The following TBC1D19 variants were observed in gnomAD, a reference collection of about 807,000 sequenced individuals.
TBC1D19 encodes TBC1 domain family, member 19.
TBC1D19 carries 60 observed loss-of-function variants against 89.0 expected under a neutral mutation model. The ratio of observed to expected loss-of-function variants is 0.67; its 90% confidence interval spans 0.55 to 0.84. TBC1D19 has a LOEUF of 0.84. TBC1D19 is among the 40% of genes least tolerant of loss of function. The pLI is 0.00. For missense variants in TBC1D19, 500 were observed against 610.8 expected (o/e 0.82, Z 1.91); for synonymous variants, 189 against 199.7 (o/e 0.95, Z 0.45).
At chr4:26,722,554 C>T (rs1717047604) in intron 15 of TBC1D19, among the ~76,000 whole-genome samples, 1 of 152,056 alleles carries the variant, frequency 6.6e-6, no homozygotes, top group Non-Finnish European at 1.5e-5. Context: ...GCGTATTAGA[C>T]CACTCCAGCA....
chr4:26,663,831 G>A (rs1310222299), intron 8 of TBC1D19, among the ~76,000 whole-genome samples: 2 of 152,174 alleles, frequency 1.3e-5, no homozygotes, highest in African/African-American at 4.8e-5. Context: ...GAGGCTCAGT[G>A]AGTCCTGTGA....
At chr4:26,694,758 C>A (rs1008677490) in intron 13 of TBC1D19, among the ~76,000 whole-genome samples, 1 of 152,200 alleles carries the variant, frequency 6.6e-6, no homozygotes, top group Non-Finnish European at 1.5e-5. Flanking sequence ...TCTGCAGCCT[C>A]CGCTGCTGAT....
intron 4 of TBC1D19, among the ~76,000 whole-genome samples, chr4:26,634,030 A>G (rs1301112206): frequency 6.6e-6 from 1 of 151,946 alleles, no homozygotes; most frequent in Non-Finnish European, 1.5e-5. Flanking sequence ...CTGTACCCAC[A>G]TAAAAGCTGT....
chr4:26,783,802 T>A, the TBC1D19 span, among the ~76,000 whole-genome samples: 2 of 152,190 alleles, frequency 1.3e-5, no homozygotes, highest in Admixed American at 1.3e-4. Context: ...GAGAAACATG[T>A]GCTGCTCATA....
the TBC1D19 span, among the ~76,000 whole-genome samples, chr4:26,825,869 G>A: frequency 6.6e-6 from 1 of 152,162 alleles, no homozygotes; most frequent in African/African-American, 2.4e-5. Flanking sequence ...TCCAAGTTAA[G>A]CCTGCAATAA....
Position 26,590,794 on chromosome 4 carries a change from C to CCGTTTTTT in TBC1D19, c.99+6502_99+6503insCGTTTTTT, listed in dbSNP as rs1560400025. 9.4e-5 allele frequency among the ~76,000 whole-genome samples: 3 copies of CCGTTTTTT among 31,764 alleles called. No individual in the cohort carries two copies. The East Asian group carries it at 4.0e-3, about 43-fold the overall frequency. The allele number at this position is 31,764 out of a possible 152,430, so 20.8% of individuals were successfully genotyped here. On this transcript the variant is annotated intron_variant, in intron 1 of 20. Coordinates refer to ENST00000264866, the MANE Select transcript of TBC1D19 (RefSeq NM_018317.4). ...AAGGTTCACTCTTTGTCTTGCAGGT[C>CCGTTTTTT]TGTTTTTTTTTTTTTTTTTTTTTTT...
chr4:26,603,359 T>G (rs568485388), intron 1 of TBC1D19, among the ~76,000 whole-genome samples: 1 of 152,256 alleles, frequency 6.6e-6, no homozygotes, highest in South Asian at 2.1e-4. Flanking sequence ...ACGTAAAAAA[T>G]TAAGTCACAG....
chr4:26,834,507 G>A, the TBC1D19 span, among the ~76,000 whole-genome samples: 1 of 152,044 alleles, frequency 6.6e-6, no homozygotes, highest in East Asian at 1.9e-4. Context: ...TTTTAAATTG[G>A]GCATAAAAGA....
At chr4:26,807,424 G>A in the TBC1D19 span, among the ~76,000 whole-genome samples, 1 of 152,202 alleles carries the variant, frequency 6.6e-6, no homozygotes. Flanking sequence ...CTGACACTGA[G>A]CCCCACAGCC....
intron 7 of TBC1D19, among the ~76,000 whole-genome samples, chr4:26,654,766 T>C (rs1377929186): frequency 1.3e-5 from 2 of 152,182 alleles, no homozygotes; most frequent in Admixed American, 6.5e-5. Flanking sequence ...TTATTCTAGT[T>C]AGTCATTTGT....
intron 7 of TBC1D19, among the ~76,000 whole-genome samples, chr4:26,652,174 C>T (rs1744439019): frequency 6.6e-6 from 1 of 151,898 alleles, no homozygotes. Flanking sequence ...CCAAAATTCT[C>T]TTTTTTTGTT....
chr4:26,754,723 T>C, intron 20 of TBC1D19, 150 bp from the exon 21 acceptor site: 1 of 578,128 alleles, frequency 1.7e-6, no homozygotes, highest in East Asian at 3.4e-5. Context: ...TAAGATATTC[T>C]GAAAAGAGAA....
chr4:26,605,386 T>C (rs1030275275), intron 1 of TBC1D19, among the ~76,000 whole-genome samples: 28 of 151,684 alleles, frequency 1.8e-4, no homozygotes, highest in African/African-American at 6.1e-4. Context: ...CATGGACTCA[T>C]CATTTTTTAT....
At chr4:26,657,656 G>A (rs1166969466) in intron 7 of TBC1D19, among the ~76,000 whole-genome samples, 3 of 152,068 alleles carry the variant, frequency 2.0e-5, no homozygotes, top group South Asian at 2.1e-4. Flanking sequence ...TTGAGGAATC[G>A]CCACACTGTC....
At chr4:26,584,954 T>C (rs925017891) in intron 1 of TBC1D19, 4 of 195,036 alleles carry the variant, frequency 2.1e-5, no homozygotes, top group Admixed American at 1.7e-4. Context: ...GATTCATCCA[T>C]TTTGTTGATA....
intron 11 of TBC1D19, among the ~76,000 whole-genome samples, chr4:26,678,160 T>C (rs1387521411): frequency 6.6e-6 from 1 of 152,182 alleles, no homozygotes; most frequent in Non-Finnish European, 1.5e-5. Flanking sequence ...GATAGTGATA[T>C]GGACAATGAA....
intron 16 of TBC1D19, 74 bp downstream of exon 16, chr4:26,735,561 C>A: frequency 7.8e-7 from 1 of 1,284,886 alleles, no homozygotes. Context: ...AAAATAATGA[C>A]TGACAGATAT....
In TBC1D19 at chr4:26,698,335, A is replaced by G. The variant is rs57162221; in HGVS notation, c.954+9928A>G. Among the ~76,000 whole-genome samples the G allele has an allele frequency of 1.8e-3, 280 of 152,334 alleles. 2 individuals are homozygous for G. Among genetic ancestry groups the G allele is most frequent in the African/African-American group, 6.4e-3 (265 of 41,574 alleles). ...GTGAAGGACCTCTTCAAGGAGAACTACAAACCACTGCTGAACAAAATAAAA... is the reference window on the plus strand; with the variant it reads ...GTGAAGGACCTCTTCAAGGAGAACTGCAAACCACTGCTGAACAAAATAAAA... On this transcript the variant is annotated intron_variant, in intron 13 of 20. Coordinates refer to ENST00000264866, the MANE Select transcript of TBC1D19 (RefSeq NM_018317.4).
chr4:26,741,580 C>G (rs1718378306), intron 17 of TBC1D19, among the ~76,000 whole-genome samples: 1 of 151,312 alleles, frequency 6.6e-6, no homozygotes, highest in Non-Finnish European at 1.5e-5. Context: ...GCTGGTGGCC[C>G]TGGGTATTCT....
Sources: allele counts gnomAD v4.1 joint callset (sites outside exome capture counted in the v4.1 genomes callset), GRCh38; gene constraint gnomAD v4.1.1; transcripts MANE v1.5; gene names NCBI Gene and HGNC (gene_info 2026-07-23, HGNC 2026-07-21).